Variants in CNTN5 observed in about 807,000 individuals in gnomAD.
CNTN5 encodes contactin-5.
A neutral mutation model predicts 129.1 loss-of-function variants in CNTN5; 77 were observed. That is an observed-to-expected ratio of 0.60 (90% CI 0.50 to 0.72). The LOEUF is 0.72. Ranked by LOEUF, CNTN5 falls within the 30% of genes least tolerant of loss-of-function variation. CNTN5 has a pLI of 0.00. For missense variants in CNTN5, 1,478 were observed against 1,328.8 expected (o/e 1.11, Z -1.75); for synonymous variants, 509 against 465.6 (o/e 1.09, Z -1.20).
intron 1 of CNTN5, among the ~76,000 whole-genome samples, chr11:99,213,392 G>A (rs924643171): frequency 3.1e-4 from 40 of 127,628 alleles, no homozygotes; most frequent in Admixed American, 2.2e-3. Context: ...ATATATACAC[G>A]TGTATATATA....
rs539013768 is a variant in CNTN5 at position 99,804,468 on chromosome 11, A to G, written c.56-15076A>G. The stretch of plus-strand genomic sequence containing the variant: ...CTCTAACTTTATACTGAACATGTCA[A>G]TCCCCTCAATTCTATTAGTTCACCT... On this transcript the variant is annotated intron_variant, in intron 3 of 24. Coordinates refer to ENST00000524871, the MANE Select transcript of CNTN5 (RefSeq NM_014361.4). Among the ~76,000 whole-genome samples, 66 of 151,838 alleles carry G rather than the reference A, an allele frequency of 4.3e-4. 1 individual carries two copies. The highest frequency in any genetic ancestry group is 6.3e-4 in the Non-Finnish European group (43 of 67,928).
chr11:99,582,874 T>C (rs1394028495), intron 3 of CNTN5, among the ~76,000 whole-genome samples: 1 of 152,214 alleles, frequency 6.6e-6, no homozygotes, highest in African/African-American at 2.4e-5. Flanking sequence ...TGAGGAGCTG[T>C]GTTCCTTTGG....
chr11:99,306,598 C>T (rs1864883608), intron 1 of CNTN5, among the ~76,000 whole-genome samples: 1 of 151,526 alleles, frequency 6.6e-6, no homozygotes, highest in Non-Finnish European at 1.5e-5. Flanking sequence ...AACAAAAATC[C>T]TTAATCTCTT....
intron 1 of CNTN5, among the ~76,000 whole-genome samples, chr11:99,053,749 G>C (rs897761033): frequency 2.0e-5 from 3 of 151,926 alleles, no homozygotes; most frequent in African/African-American, 7.2e-5. Context: ...GAGGGCAGAA[G>C]CCTAACAAGA....
chr11:99,868,989 C>T (rs925943434), intron 6 of CNTN5, among the ~76,000 whole-genome samples: 12 of 152,160 alleles, frequency 7.9e-5, no homozygotes, highest in Admixed American at 7.9e-4. Flanking sequence ...TAAGTTGGAA[C>T]GTTCAGACCC....
chr11:100,105,776 A>C (rs1394492660), intron 13 of CNTN5, among the ~76,000 whole-genome samples: 1 of 151,600 alleles, frequency 6.6e-6, no homozygotes, highest in African/African-American at 2.4e-5. Flanking sequence ...TTCAAGGCAA[A>C]ATCCTCCCAG....
At chr11:100,144,335 A>C (rs774360898) in intron 13 of CNTN5, among the ~76,000 whole-genome samples, 1 of 152,122 alleles carries the variant, frequency 6.6e-6, no homozygotes, top group African/African-American at 2.4e-5. Flanking sequence ...TAATAAACAT[A>C]GTACCCCATA....
intron 1 of CNTN5, among the ~76,000 whole-genome samples, chr11:99,211,821 A>T (rs1234060972): frequency 6.6e-6 from 1 of 152,138 alleles, no homozygotes; most frequent in Non-Finnish European, 1.5e-5. Context: ...TATTCCAGGA[A>T]AGACACTTAT....
At chr11:100,352,864 G>A (rs1018266507) in intron 24 of CNTN5, among the ~76,000 whole-genome samples, 2 of 151,584 alleles carry the variant, frequency 1.3e-5, no homozygotes, top group South Asian at 2.1e-4. Flanking sequence ...CAAAATATAC[G>A]ACAACCTTCC....
chr11:100,323,576 T>A (rs1270835779), intron 21 of CNTN5, among the ~76,000 whole-genome samples: 2 of 152,180 alleles, frequency 1.3e-5, no homozygotes, highest in Non-Finnish European at 2.9e-5. Flanking sequence ...TTCCATCATT[T>A]TCTTAATATC....
intron 1 of CNTN5, among the ~76,000 whole-genome samples, chr11:99,248,330 T>C (rs1157931093): frequency 6.6e-6 from 1 of 152,184 alleles, no homozygotes. Context: ...TCTTGTAAAT[T>C]TGTTGGAGTT....
intron 13 of CNTN5, among the ~76,000 whole-genome samples, chr11:100,112,208 C>T (rs1282035802): frequency 2.6e-5 from 4 of 152,140 alleles, no homozygotes; most frequent in Non-Finnish European, 5.9e-5. Context: ...CTGCCACCAA[C>T]ATGGACTGAG....
chr11:100,122,957 T>C (rs1464094159), intron 13 of CNTN5, among the ~76,000 whole-genome samples: 1 of 152,054 alleles, frequency 6.6e-6, no homozygotes, highest in Non-Finnish European at 1.5e-5. Context: ...TTATTGAATA[T>C]GTTTTGTAGA....
intron 1 of CNTN5, among the ~76,000 whole-genome samples, chr11:99,102,180 C>G (rs1866766768): frequency 6.6e-6 from 1 of 152,074 alleles, no homozygotes; most frequent in African/African-American, 2.4e-5. Flanking sequence ...CACCAAGTAC[C>G]TAGACTGCAG....
chr11:99,782,815 AC>A (rs1385726603), intron 3 of CNTN5, among the ~76,000 whole-genome samples: 1 of 151,898 alleles, frequency 6.6e-6, no homozygotes, highest in African/African-American at 2.4e-5. Flanking sequence ...TACACCTTAT[AC>A]AAAAATCAAT....
At chr11:99,117,443 A>G (rs1858096819) in intron 1 of CNTN5, among the ~76,000 whole-genome samples, 1 of 152,128 alleles carries the variant, frequency 6.6e-6, no homozygotes, top group South Asian at 2.1e-4. Flanking sequence ...TGAACTTTAT[A>G]TAATTTTAAT....
At chr11:99,285,201 TTAAC>T (rs1398369822) in intron 1 of CNTN5, among the ~76,000 whole-genome samples, 2 of 152,140 alleles carry the variant, frequency 1.3e-5, no homozygotes, top group African/African-American at 2.4e-5. Flanking sequence ...TTTATTTTCT[TTAAC>T]TAACATAATT....
At chr11:99,062,811 C>G (rs1288941892) in intron 1 of CNTN5, among the ~76,000 whole-genome samples, 2 of 152,084 alleles carry the variant, frequency 1.3e-5, no homozygotes, top group Non-Finnish European at 2.9e-5. Context: ...ATTTACCCTC[C>G]TCCCACTCTT....
intron 13 of CNTN5, among the ~76,000 whole-genome samples, chr11:100,158,174 A>AAATGATCT (rs1387674344): frequency 1.3e-5 from 2 of 151,816 alleles, no homozygotes; most frequent in Non-Finnish European, 2.9e-5. Context: ...ACAAAGCTAA[A>AAATGATCT]AATGATCTAT....
Sources: gnomAD v4.1 joint callset for allele counts (sites outside exome capture counted in the v4.1 genomes callset) on GRCh38, gnomAD v4.1.1 for gene constraint, MANE v1.5 for transcripts, NCBI Gene and HGNC (gene_info 2026-07-23, HGNC 2026-07-21) for gene names.